Variants in USP34 observed in about 807,000 individuals in gnomAD.
USP34 encodes ubiquitin specific peptidase 34, also known as ubiquitin carboxyl-terminal hydrolase 34.
In USP34, 70 loss-of-function variants were observed where a neutral mutation model predicts 460.3. The ratio of observed to expected loss-of-function variants is 0.15; its 90% CI spans 0.13 to 0.19. The LOEUF is 0.19. Ranked by LOEUF, USP34 falls within the 10% of genes least tolerant of loss-of-function variation. The pLI, the probability that USP34 is intolerant of heterozygous loss-of-function variation, is 1.00. For synonymous variants in USP34, 1,647 were observed against 1,405.3 expected, an observed-to-expected ratio of 1.17 and a Z score of -3.85; for missense variants, 3,985 against 4,236.2, an observed-to-expected ratio of 0.94 and a Z score of 1.65.
intron 1 of USP34, among the ~76,000 whole-genome samples, chr2:61,467,570 G>C (rs929498982): frequency 6.8e-6 from 1 of 147,996 alleles, no homozygotes; most frequent in East Asian, 2.0e-4. Context: ...ACAGGGTGTC[G>C]TATTTAAAGA....
chr2:61,333,233 G>A (rs1384859603), intron 19 of USP34, among the ~76,000 whole-genome samples: 1 of 151,996 alleles, frequency 6.6e-6, no homozygotes, highest in Non-Finnish European at 1.5e-5. Context: ...TTAATCATAA[G>A]TTCTCCATAA....
At chr2:61,407,854 C>T (rs1012202703) in intron 2 of USP34, among the ~76,000 whole-genome samples, 19 of 152,266 alleles carry the variant, frequency 1.2e-4, no homozygotes, top group Admixed American at 3.9e-4. Flanking sequence ...GTGGCTCATG[C>T]CTGTAATCCC....
intron 64 of USP34, 46 bp from the exon 65 acceptor site, chr2:61,222,709 G>GT: frequency 6.3e-7 from 1 of 1,574,954 alleles, no homozygotes; most frequent in Non-Finnish European, 8.7e-7. Flanking sequence ...GTTTTGTTTT[G>GT]TTTTTGAGAC....
intron 20 of USP34, among the ~76,000 whole-genome samples, chr2:61,329,694 T>C (rs1449448076): frequency 6.6e-6 from 1 of 152,212 alleles, no homozygotes; most frequent in Non-Finnish European, 1.5e-5. Flanking sequence ...AGAATTCTTG[T>C]ATATTTCATA....
chr2:61,373,172 A>AT (rs1192260615), intron 8 of USP34, among the ~76,000 whole-genome samples: 1 of 152,124 alleles, frequency 6.6e-6, no homozygotes, highest in African/African-American at 2.4e-5. Flanking sequence ...AAATTAAGAT[A>AT]TTTTTTAAAT....
At chr2:61,325,497 T>G (rs1691057587) in intron 20 of USP34, 40 bp from the exon 21 acceptor site, 1 of 1,327,342 alleles carries the variant, frequency 7.5e-7, no homozygotes, top group African/African-American at 1.6e-5. Flanking sequence ...AATATCCTAT[T>G]TCTTAATTAC....
At chr2:61,363,186 A>AT (rs928675258) in intron 10 of USP34, among the ~76,000 whole-genome samples, 6 of 152,072 alleles carry the variant, frequency 3.9e-5, no homozygotes, top group African/African-American at 1.4e-4. Flanking sequence ...GGATAGCTGA[A>AT]TTTTTTTTCA....
chr2:61,238,022 A>G (rs558670132), intron 53 of USP34, among the ~76,000 whole-genome samples: 19 of 151,580 alleles, frequency 1.3e-4, no homozygotes, highest in Non-Finnish European at 2.5e-4. Context: ...CAGCCTCCCA[A>G]GTAGCTGGGA....
chr2:61,192,198 A>T (rs534353951), intron 76 of USP34, among the ~76,000 whole-genome samples: 3 of 152,322 alleles, frequency 2.0e-5, no homozygotes, highest in Admixed American at 2.0e-4. Context: ...ATCTCTTCCA[A>T]TGGGGTAGAG....
chr2:61,190,707 A>T, intron 76 of USP34, 49 bp from the exon 77 acceptor site: 1 of 1,560,444 alleles, frequency 6.4e-7, no homozygotes, highest in Admixed American at 2.0e-5. Flanking sequence ...GCACGGAAAA[A>T]ACTTACACGG....
intron 27 of USP34, among the ~76,000 whole-genome samples, chr2:61,305,599 G>C (rs1189059771): frequency 1.3e-5 from 2 of 152,006 alleles, no homozygotes; most frequent in Admixed American, 6.6e-5. Flanking sequence ...AGGTTAAGGA[G>C]AGAAGAAAAA....
intron 72 of USP34, among the ~76,000 whole-genome samples, chr2:61,205,476 A>C (rs1687093698): frequency 6.6e-6 from 1 of 152,206 alleles, no homozygotes; most frequent in Non-Finnish European, 1.5e-5. Context: ...ATTTTGAGAA[A>C]GTGTAAAATA....
At chr2:61,271,426 C>T (rs373356667) in intron 41 of USP34, among the ~76,000 whole-genome samples, 30 of 152,106 alleles carry the variant, frequency 2.0e-4, no homozygotes, top group African/African-American at 5.8e-4. Flanking sequence ...TAAGGGTACA[C>T]GCAAATTTTG....
At chr2:61,189,864 G>A in intron 78 of USP34, 1 of 156,376 alleles carries the variant, frequency 6.4e-6, no homozygotes, top group South Asian at 2.0e-4. Flanking sequence ...CTAGGACATG[G>A]CTGTCATGGG....
In USP34 at chr2:61,308,837, T is replaced by C. The variant is rs184039119; in HGVS notation, c.3817+2703A>G. ...GGGCAGAAAGCTTGAGCTCAAGAGT[T>C]TGAGATGAGCCTAGGCAACATGGTG... On this transcript the variant is annotated intron_variant, in intron 27 of 79. Coordinates refer to ENST00000398571, the MANE Select transcript of USP34 (RefSeq NM_014709.4). Among the ~76,000 whole-genome samples, 425 of 152,198 alleles carry C rather than the reference T, an allele frequency of 2.8e-3. 1 individual carries two copies. The highest frequency in any genetic ancestry group is 9.5e-3 in the African/African-American group (396 of 41,508).
At chr2:61,364,865 G>C (rs555241252) in intron 10 of USP34, among the ~76,000 whole-genome samples, 45 of 152,216 alleles carry the variant, frequency 3.0e-4, no homozygotes, top group African/African-American at 1.1e-3. Flanking sequence ...CGGAGACGGA[G>C]GTTACAGTGA....
chr2:61,350,369 C>T lies in USP34; in HGVS notation c.1398G>A (p.Met466Ile), dbSNP rs753411952. ...HTEQTLYLAS[M>I]LIKALWNNAL... Reference sequence around the variant, plus strand: ...CGTTATTCCACAGTGCTTTAATTAACATGGATGCCAAGTACAGTGTCTAAA... The same window carrying T: ...CGTTATTCCACAGTGCTTTAATTAATATGGATGCCAAGTACAGTGTCTAAA... The change falls in exon 12 of 80, where the codon ATG (methionine) becomes ATA (isoleucine). Residue 466 changes from methionine (M) to isoleucine (I), a missense_variant. Physicochemically the swap from Met to Ile is conservative, Grantham distance 10. This residue lies in a region of USP34 where 716 missense variants were observed against 626.2 expected (regional missense o/e 1.14). Coordinates refer to ENST00000398571, the MANE Select transcript of USP34 (RefSeq NM_014709.4). 5.0e-6 allele frequency: 8 copies of T among 1,612,984 alleles called. No individual in the cohort carries two copies. Among genetic ancestry groups the T allele is most frequent in the Non-Finnish European group, 6.8e-6 (8 of 1,179,600 alleles).
intron 1 of USP34, among the ~76,000 whole-genome samples, chr2:61,440,210 C>A (rs562510719): frequency 2.0e-5 from 3 of 152,302 alleles, no homozygotes; most frequent in African/African-American, 7.2e-5. Context: ...CCTCTTCCTC[C>A]TGGCCTCCAA....
chr2:61,383,500 T>C (rs950927593), intron 5 of USP34, among the ~76,000 whole-genome samples, 164 bp from the exon 6 acceptor site: 1 of 152,070 alleles, frequency 6.6e-6, no homozygotes, highest in Non-Finnish European at 1.5e-5. Flanking sequence ...GTCAGGAGTT[T>C]GAGATCAGCC....
Sources: gnomAD v4.1 joint callset for allele counts (sites outside exome capture counted in the v4.1 genomes callset) on GRCh38, gnomAD v4.1.1 for gene constraint, gnomAD v4.1.1 regional missense constraint, MANE v1.5 for transcripts, NCBI Gene and HGNC (gene_info 2026-07-23, HGNC 2026-07-21) for gene names.